The following SAMTOR variants were observed in gnomAD, a reference collection of about 807,000 sequenced individuals.
The protein encoded by SAMTOR is UPF0532 protein C7orf60.
At chr7:112,882,654 A>G in the SAMTOR span, among the ~76,000 whole-genome samples, 1 of 151,692 alleles carries the variant, frequency 6.6e-6, no homozygotes, top group Non-Finnish European at 1.5e-5. Context: ...AAGCCACTGC[A>G]CTCCAGCCTG....
the SAMTOR span, among the ~76,000 whole-genome samples, chr7:112,848,561 C>T: frequency 1.2e-4 from 18 of 152,186 alleles, no homozygotes; most frequent in Non-Finnish European, 2.1e-4. Flanking sequence ...AAACTCAGAG[C>T]GCTGGAGCCT....
chr7:112,873,521 A>G, the SAMTOR span, among the ~76,000 whole-genome samples: 2 of 152,204 alleles, frequency 1.3e-5, no homozygotes, highest in Non-Finnish European at 2.9e-5. Context: ...CATGCAGAAG[A>G]ATGAAACTGG....
the SAMTOR span, among the ~76,000 whole-genome samples, chr7:112,874,414 T>C: frequency 2.0e-5 from 3 of 152,088 alleles, no homozygotes; most frequent in Non-Finnish European, 4.4e-5. Flanking sequence ...GGAGGCATGT[T>C]CTCACTTCCA....
the SAMTOR span, among the ~76,000 whole-genome samples, chr7:112,865,662 TCATA>T: frequency 4.4e-5 from 6 of 135,384 alleles, no homozygotes; most frequent in African/African-American, 1.5e-4. Flanking sequence ...TATATATATT[TCATA>T]CATACATATA....
chr7:112,939,643 G>A, the SAMTOR span: 2 of 1,613,836 alleles, frequency 1.2e-6, no homozygotes, highest in African/African-American at 2.7e-5. Flanking sequence ...CCACACCGGA[G>A]AGCTTCTCCT....
chr7:112,915,116 T>C, the SAMTOR span, among the ~76,000 whole-genome samples: 2 of 151,890 alleles, frequency 1.3e-5, no homozygotes, highest in African/African-American at 4.8e-5. Context: ...TGGGTGCCTA[T>C]AATCCCAGCT....
chr7:112,924,180 A>C, the SAMTOR span, among the ~76,000 whole-genome samples: 1 of 152,046 alleles, frequency 6.6e-6, no homozygotes, highest in Non-Finnish European at 1.5e-5. Context: ...GTACCCTAAA[A>C]CTTAAAGTAT....
the SAMTOR span, chr7:112,935,362 C>A: frequency 3.3e-6 from 1 of 304,304 alleles, no homozygotes; most frequent in Admixed American, 4.8e-5. Flanking sequence ...ACCAACATCA[C>A]ATTCATTCTC....
chr7:112,923,167 T>G, the SAMTOR span, among the ~76,000 whole-genome samples: 8 of 152,220 alleles, frequency 5.3e-5, no homozygotes, highest in Non-Finnish European at 8.8e-5. Flanking sequence ...CCTGTTGATC[T>G]ATGACCTTAC....
At chr7:112,934,174 CCT>C in the SAMTOR span, among the ~76,000 whole-genome samples, 1 of 152,078 alleles carries the variant, frequency 6.6e-6, no homozygotes, top group African/African-American at 2.4e-5. Flanking sequence ...GGGAGTACTC[CCT>C]GTGTTCTGTG....
the SAMTOR span, among the ~76,000 whole-genome samples, chr7:112,919,093 T>A: frequency 2.0e-5 from 3 of 152,244 alleles, no homozygotes; most frequent in East Asian, 5.8e-4. Context: ...CTGCACCAAG[T>A]GGACCTAATA....
the SAMTOR span, among the ~76,000 whole-genome samples, chr7:112,854,892 G>T: frequency 2.0e-5 from 3 of 152,172 alleles, no homozygotes; most frequent in African/African-American, 7.2e-5. Context: ...AAGGTATAAA[G>T]AATTAAGTAA....
chr7:112,825,857 T>G, the SAMTOR span, among the ~76,000 whole-genome samples: 2 of 152,106 alleles, frequency 1.3e-5, no homozygotes, highest in East Asian at 1.9e-4. Context: ...TTCTGAGTTT[T>G]TTTTTTTTTT....
At chr7:112,843,691 A>G in the SAMTOR span, among the ~76,000 whole-genome samples, 1 of 151,996 alleles carries the variant, frequency 6.6e-6, no homozygotes, top group African/African-American at 2.4e-5. Flanking sequence ...AGATGGATTC[A>G]CAGAATTCTA....
the SAMTOR span, among the ~76,000 whole-genome samples, chr7:112,914,276 G>GTTTTTTTTTTTTT: frequency 7.6e-6 from 1 of 131,004 alleles, no homozygotes; most frequent in Non-Finnish European, 1.6e-5. Context: ...TTAGCCTCTA[G>GTTTTTTTTTTTTT]TTTTTTTTTT....
the SAMTOR span, among the ~76,000 whole-genome samples, chr7:112,846,317 G>A: frequency 6.7e-6 from 1 of 149,546 alleles, no homozygotes; most frequent in East Asian, 2.0e-4. Context: ...AAGTGATGAG[G>A]ACGTATGGAT....
chr7:112,939,481 G>T, the SAMTOR span: 1 of 1,516,306 alleles, frequency 6.6e-7, no homozygotes, highest in Non-Finnish European at 8.9e-7. Flanking sequence ...CTGGGGGGAC[G>T]TGCAGATCCT....
chr7:112,913,038 T>TGTTACAAATA, the SAMTOR span, among the ~76,000 whole-genome samples: 1 of 152,234 alleles, frequency 6.6e-6, no homozygotes, highest in South Asian at 2.1e-4. Flanking sequence ...CCTGACTTTC[T>TGTTACAAATA]GTTACAGGGG....
At chr7:112,843,549 C>T in the SAMTOR span, among the ~76,000 whole-genome samples, 13 of 151,712 alleles carry the variant, frequency 8.6e-5, no homozygotes, top group African/African-American at 2.2e-4. Flanking sequence ...TAGAAGAGAC[C>T]GATAAATTCC....
Sources: gnomAD v4.1 joint callset for allele counts (sites outside exome capture counted in the v4.1 genomes callset) on GRCh38, gnomAD v4.1.1 for gene constraint, MANE v1.5 for transcripts, NCBI Gene and HGNC (gene_info 2026-07-23, HGNC 2026-07-21) for gene names.